The following ETV6 variants were observed in gnomAD, a reference collection of about 807,000 sequenced individuals.
ETV6 encodes the protein transcription factor ETV6.
ETV6 carries 16 observed loss-of-function variants against 51.1 expected under a neutral mutation model. That is an observed-to-expected ratio of 0.31 (90% CI 0.21 to 0.48). The LOEUF (loss-of-function observed/expected upper bound fraction) is 0.48, where lower values mean the gene tolerates loss of function less well. ETV6 is among the 20% of genes least tolerant of loss of function. The pLI, the probability that ETV6 is intolerant of heterozygous loss-of-function variation, is 0.99. For synonymous variants in ETV6, 240 were observed against 224.1 expected (o/e 1.07, Z -0.64); for missense variants, 458 against 594.8 (o/e 0.77, Z 2.39).
intron 2 of ETV6, among the ~76,000 whole-genome samples, chr12:11,803,351 T>TAG: frequency 6.6e-6 from 1 of 152,246 alleles, no homozygotes; most frequent in Middle Eastern, 3.4e-3. Context: ...TCCTAGAAAA[T>TAG]AGAGACCATA....
At chr12:11,815,353 A>G (rs971442656) in intron 2 of ETV6, among the ~76,000 whole-genome samples, 1 of 152,228 alleles carries the variant, frequency 6.6e-6, no homozygotes, top group Non-Finnish European at 1.5e-5. Flanking sequence ...CCTGATGCCC[A>G]TCATACCCTA....
At chr12:11,804,302 C>G (rs893963102) in intron 2 of ETV6, among the ~76,000 whole-genome samples, 2 of 152,176 alleles carry the variant, frequency 1.3e-5, no homozygotes, top group African/African-American at 4.8e-5. Context: ...ACTGTTACTT[C>G]CCTGTGCCAA....
At position 11,744,248 on chromosome 12, in the gene ETV6, G is replaced by A. The variant is rs117944026; in HGVS notation, c.34-8202G>A. Among the ~76,000 whole-genome samples, 1,154 of 152,296 alleles carry A rather than the reference G, an allele frequency of 7.6e-3. 9 individuals are homozygous for A. Among genetic ancestry groups the A allele is most frequent in the Middle Eastern group, 0.024 (7 of 294 alleles). ...TCATTACTTGTTAGCCCCAGGCAGG[G>A]ACAACGCAGATTGGCTAATTATAAT... On this transcript the variant is annotated intron_variant, in intron 1 of 7. Coordinates refer to ENST00000396373, the MANE Select transcript of ETV6 (RefSeq NM_001987.5).
At chr12:11,887,109 G>A (rs932610042) in intron 7 of ETV6, among the ~76,000 whole-genome samples, 6 of 152,074 alleles carry the variant, frequency 3.9e-5, no homozygotes, top group African/African-American at 1.2e-4. Flanking sequence ...CAAAAGAAAC[G>A]GGAAAGGCTC....
intron 5 of ETV6, among the ~76,000 whole-genome samples, chr12:11,870,501 C>T (rs544939089): frequency 1.3e-5 from 2 of 152,226 alleles, no homozygotes; most frequent in South Asian, 4.2e-4. Flanking sequence ...GATTCTCTTT[C>T]ATTTATTATA....
intron 1 of ETV6, among the ~76,000 whole-genome samples, chr12:11,710,715 C>T (rs927585114): frequency 1.3e-5 from 2 of 152,232 alleles, no homozygotes; most frequent in Non-Finnish European, 1.5e-5. Context: ...GGAGCTGATG[C>T]AGGCTAATGA....
chr12:11,891,459 T>TA lies in ETV6; in HGVS notation c.*413_*414insA. The stretch of plus-strand genomic sequence containing the variant: ...GTTTTCCTATGGAAATATATATCTA[T>TA]TATATATATATTTTTTGCAAATCTC... On this transcript the variant is annotated 3_prime_UTR_variant, in exon 8 of 8. Coordinates refer to ENST00000396373, the MANE Select transcript of ETV6 (RefSeq NM_001987.5). The TA allele has an allele frequency of 2.2e-6, 1 of 445,932 alleles. No individual in the cohort carries two copies. 27.6% of individuals were successfully genotyped at this position (445,932 alleles called of 1,614,324 possible). A position where few individuals can be genotyped will look rare whatever the true frequency, so the allele number is the denominator to read the frequency against.
chr12:11,766,632 C>T (rs896140025), intron 2 of ETV6, among the ~76,000 whole-genome samples: 18 of 152,204 alleles, frequency 1.2e-4, no homozygotes, highest in African/African-American at 4.3e-4. Flanking sequence ...TGCTTTGTGG[C>T]TTTGCCCATC....
At chr12:11,719,242 C>A (rs1416536373) in intron 1 of ETV6, among the ~76,000 whole-genome samples, 4 of 152,234 alleles carry the variant, frequency 2.6e-5, no homozygotes, top group African/African-American at 9.6e-5. Flanking sequence ...TCAGGAGGCA[C>A]TGCCTGGAAA....
chr12:11,767,543 C>T (rs990695734), intron 2 of ETV6, among the ~76,000 whole-genome samples: 3 of 152,186 alleles, frequency 2.0e-5, no homozygotes, highest in Non-Finnish European at 4.4e-5. Flanking sequence ...GACTTGGGGC[C>T]AGGAGGCCAG....
chr12:11,709,785 C>T (rs1032692640), intron 1 of ETV6, among the ~76,000 whole-genome samples: 2 of 152,236 alleles, frequency 1.3e-5, no homozygotes, highest in African/African-American at 4.8e-5. Flanking sequence ...GGGAATGCCA[C>T]AGCAGATGGC....
intron 3 of ETV6, among the ~76,000 whole-genome samples, chr12:11,853,003 A>G (rs951163435): frequency 3.9e-5 from 6 of 152,162 alleles, no homozygotes; most frequent in Admixed American, 2.0e-4. Context: ...CCTGAACAGC[A>G]TGGTGAAACC....
chr12:11,765,768 C>T (rs545909142), intron 2 of ETV6, among the ~76,000 whole-genome samples: 54 of 152,132 alleles, frequency 3.5e-4, no homozygotes, highest in African/African-American at 1.0e-3. Flanking sequence ...TGGTAACATA[C>T]GTGCTTTAGG....
chr12:11,697,556 CTTTTT>C (rs1157138860), intron 1 of ETV6, among the ~76,000 whole-genome samples: 1 of 152,202 alleles, frequency 6.6e-6, no homozygotes, highest in Non-Finnish European at 1.5e-5. Flanking sequence ...ACCTGTCTTA[CTTTTT>C]AAGTTTCCTA....
At chr12:11,854,822 C>A (rs546242678) in intron 4 of ETV6, among the ~76,000 whole-genome samples, 1 of 152,160 alleles carries the variant, frequency 6.6e-6, no homozygotes, top group African/African-American at 2.4e-5. Flanking sequence ...CAGTGTTGGG[C>A]CAGGGCTTTC....
At chr12:11,810,601 T>G (rs1945899213) in intron 2 of ETV6, among the ~76,000 whole-genome samples, 1 of 152,224 alleles carries the variant, frequency 6.6e-6, no homozygotes, top group African/African-American at 2.4e-5. Flanking sequence ...GAGATTCAAG[T>G]TGGCAAAATC....
intron 2 of ETV6, among the ~76,000 whole-genome samples, chr12:11,773,252 A>G (rs1945269420): frequency 6.6e-6 from 1 of 150,578 alleles, no homozygotes; most frequent in African/African-American, 2.4e-5. Context: ...TTTTTGTCTT[A>G]AGTTTACTTT....
chr12:11,760,473 A>C (rs888157559), intron 2 of ETV6, among the ~76,000 whole-genome samples: 21 of 152,292 alleles, frequency 1.4e-4, no homozygotes, highest in African/African-American at 5.1e-4. Context: ...TAAATTCTCT[A>C]CTTCTGGGGT....
intron 1 of ETV6, among the ~76,000 whole-genome samples, chr12:11,665,900 T>C (rs1028419791): frequency 6.6e-6 from 1 of 152,208 alleles, no homozygotes; most frequent in African/African-American, 2.4e-5. Context: ...TATAGATAGC[T>C]GGAGAAGAAG....
Sources: gnomAD v4.1 joint callset for allele counts (sites outside exome capture counted in the v4.1 genomes callset) on GRCh38, gnomAD v4.1.1 for gene constraint, MANE v1.5 for transcripts, NCBI Gene and HGNC (gene_info 2026-07-23, HGNC 2026-07-21) for gene names.